The following CUBN variants were observed in gnomAD, a reference collection of about 807,000 sequenced individuals.
CUBN encodes 460 kDa receptor.
In CUBN, 282 loss-of-function variants were observed where a neutral mutation model predicts 405.3. The ratio of observed to expected loss-of-function variants is 0.70; its 90% CI spans 0.63 to 0.77. The LOEUF is 0.77. Among genes scored for constraint, CUBN ranks in the 30% least tolerant of loss-of-function variants. The pLI is 0.00. For synonymous variants in CUBN, 1,684 were observed against 1,617.0 expected (o/e 1.04, Z -0.99); for missense variants, 4,514 against 4,475.2 (o/e 1.01, Z -0.25).
chr10:17,073,074 C>T (rs1433682367), intron 17 of CUBN, among the ~76,000 whole-genome samples: 1 of 152,138 alleles, frequency 6.6e-6, no homozygotes, highest in Non-Finnish European at 1.5e-5. Flanking sequence ...AAGCCATCCT[C>T]AAACATAGAA....
intron 27 of CUBN, among the ~76,000 whole-genome samples, chr10:17,029,996 T>C (rs1419045386): frequency 3.9e-5 from 6 of 152,158 alleles, no homozygotes; most frequent in Admixed American, 1.3e-4. Flanking sequence ...CCCAGACCAG[T>C]ACTGGTGGCA....
rs758832754 is a variant in CUBN, at chr10:16,913,879, G to A, written c.7465C>T (p.Arg2489Trp). ...EWRITAPEGRRITLMFNNLRL... is the reference protein window; with the variant it reads ...EWRITAPEGRWITLMFNNLRL... ...AGGTTGTTAAACATTAGGGTGATCC[G>A]CCTTCCCTCCGGGGCAGTGATTCTC... The change falls in exon 48 of 67, where the codon CGG becomes TGG. Residue 2489 changes from arginine to tryptophan, a missense_variant. Around this residue, in one of 5 missense-constraint regions of CUBN, gnomAD observed 1,613 missense variants for 1,542.8 expected, o/e 1.05. Coordinates refer to ENST00000377833, the MANE Select transcript of CUBN (RefSeq NM_001081.4). 1.4e-5 allele frequency: 22 copies of A among 1,613,982 alleles called. No homozygotes were observed. The highest frequency in any genetic ancestry group is 1.1e-4 in the South Asian group (10 of 91,084).
chr10:17,021,869 TC>T (rs1194710945), intron 27 of CUBN, among the ~76,000 whole-genome samples: 1 of 152,106 alleles, frequency 6.6e-6, no homozygotes, highest in Non-Finnish European at 1.5e-5. Context: ...GTGTCTTACC[TC>T]CCCTACTGAT....
intron 22 of CUBN, among the ~76,000 whole-genome samples, chr10:17,049,983 C>T (rs1197682597): frequency 6.6e-6 from 1 of 152,154 alleles, no homozygotes; most frequent in Non-Finnish European, 1.5e-5. Context: ...GATGAGGTCC[C>T]AGTAAGTAGT....
Position 16,915,175 on chromosome 10 carries a change from G to T in CUBN, c.7211-3C>A, listed in dbSNP as rs768015179. The T allele has an allele frequency of 6.2e-7, 1 of 1,613,692 alleles. No individual in the cohort carries two copies. The highest frequency in any genetic ancestry group is 2.2e-5 in the East Asian group (1 of 44,878). ...ACAGTATCTGCCCAAGATGTTTCCT[G>T]TGAGAGACAAATAATTAAATATACA... On this transcript the variant is annotated splice_polypyrimidine_tract_variant and splice_region_variant and intron_variant, in intron 46 of 66. Transcript: ENST00000377833.
intron 31 of CUBN, among the ~76,000 whole-genome samples, chr10:16,970,528 A>C (rs1272024485): frequency 6.8e-6 from 1 of 146,638 alleles, no homozygotes; most frequent in Admixed American, 6.9e-5. Context: ...GTGAGCTGAG[A>C]TCACACCTTT....
chr10:16,985,677 C>T (rs148199187), intron 29 of CUBN, among the ~76,000 whole-genome samples: 1 of 152,346 alleles, frequency 6.6e-6, no homozygotes, highest in Non-Finnish European at 1.5e-5. Flanking sequence ...GGTTCCTGCA[C>T]CTGCCAATCT....
rs1219027702 is a variant in CUBN at position 17,109,647 on chromosome 10, TGAG to T, written c.1101_1103del (p.Ser368del). ...AGAGAGATGAGTCATTACCTAGAGT[TGAG>T]GAGCATGAGGCATCTGGGTGGCAGC... is the stretch of plus-strand genomic sequence containing the variant. On this transcript the variant is annotated inframe_deletion, in exon 10 of 67. Transcript: ENST00000377833. 20 of 1,613,400 alleles carry T rather than the reference TGAG, an allele frequency of 1.2e-5. No individual in the cohort carries two copies. The highest frequency in any genetic ancestry group is 1.7e-5 in the Non-Finnish European group (20 of 1,179,538).
chr10:16,952,332 G>C lies in CUBN; in HGVS notation c.4913C>G (p.Pro1638Arg). The change falls in exon 33 of 67, where the codon CCT (proline) becomes CGT (arginine). Residue 1638 changes from proline to arginine, a missense_variant. Pro to Arg is a moderately radical substitution (Grantham distance 103). This residue lies in a region of CUBN where 1,613 missense variants were observed against 1,542.8 expected (regional missense o/e 1.05). Coordinates refer to ENST00000377833, the MANE Select transcript of CUBN (RefSeq NM_001081.4). ...GTTCTGATTGTTTGGATAATTGGCA[G>C]GGAACCGTGGAGAGGAAACAGTATC... ...SFDTVSSPRF[P>R]ANYPNNQNCS... The C allele has an allele frequency of 6.2e-7, 1 of 1,613,972 alleles. No individual in the cohort carries two copies. Among genetic ancestry groups the C allele is most frequent in the Non-Finnish European group, 8.5e-7 (1 of 1,179,930 alleles).
intron 62 of CUBN, among the ~76,000 whole-genome samples, chr10:16,837,789 G>A (rs1031154686): frequency 6.6e-6 from 1 of 152,018 alleles, no homozygotes; most frequent in African/African-American, 2.4e-5. Flanking sequence ...TACCTACCCA[G>A]TCCGAAACCC....
chr10:17,129,809 A>G lies in CUBN; in HGVS notation c.-44T>C. Reference sequence around the variant, plus strand: ...GGTAAGAGTGAGGCCACTCCAACCAACTGAGCATGGGATTTTGGAGAACAG... The same window carrying G: ...GGTAAGAGTGAGGCCACTCCAACCAGCTGAGCATGGGATTTTGGAGAACAG... On this transcript the variant is annotated 5_prime_UTR_variant, in exon 1 of 67. Transcript: ENST00000377833. 6.2e-7 allele frequency: 1 copy of G among 1,608,676 alleles called. No individual in the cohort carries two copies. The highest frequency in any genetic ancestry group is 8.5e-7 in the Non-Finnish European group (1 of 1,175,408).
chr10:17,098,583 G>A (rs1295542001), intron 14 of CUBN, among the ~76,000 whole-genome samples: 1 of 152,064 alleles, frequency 6.6e-6, no homozygotes, highest in African/African-American at 2.4e-5. Flanking sequence ...AGGGCAATAA[G>A]TCAAGGAAAA....
chr10:17,053,611 A>G (rs1055686363), intron 22 of CUBN, among the ~76,000 whole-genome samples: 2 of 151,936 alleles, frequency 1.3e-5, no homozygotes, highest in Admixed American at 6.6e-5. Flanking sequence ...AGAAAAAAAT[A>G]AAACCATGAT....
intron 54 of CUBN, among the ~76,000 whole-genome samples, chr10:16,895,713 C>T (rs1841161627): frequency 6.6e-6 from 1 of 152,112 alleles, no homozygotes; most frequent in Admixed American, 6.6e-5. Context: ...TATATCCACT[C>T]CTGCTTTTTT....
chr10:17,105,361 T>C, intron 11 of CUBN, 96 bp downstream of exon 11: 1 of 815,352 alleles, frequency 1.2e-6, no homozygotes, highest in Non-Finnish European at 2.2e-6. Context: ...ACTTGACTCA[T>C]TATCTTGACA....
intron 28 of CUBN, among the ~76,000 whole-genome samples, chr10:16,993,849 T>C (rs2131723982): frequency 1.3e-5 from 2 of 152,272 alleles, no homozygotes. Context: ...GGAAAAATAT[T>C]GTATGATCAT....
At chr10:17,077,169 C>A (rs1275205510) in intron 17 of CUBN, among the ~76,000 whole-genome samples, 1 of 152,162 alleles carries the variant, frequency 6.6e-6, no homozygotes, top group Non-Finnish European at 1.5e-5. Context: ...GTTCAGATTT[C>A]TTGTGGATTG....
intron 59 of CUBN, among the ~76,000 whole-genome samples, chr10:16,866,104 G>T (rs760328283): frequency 2.0e-5 from 3 of 152,000 alleles, no homozygotes; most frequent in Non-Finnish European, 4.4e-5. Flanking sequence ...AATGCCTGCA[G>T]ACCTCCCATC....
intron 61 of CUBN, 76 bp downstream of exon 61, chr10:16,840,809 A>T (rs1334179251): frequency 7.6e-7 from 1 of 1,320,842 alleles, no homozygotes; most frequent in Non-Finnish European, 1.1e-6. Flanking sequence ...ATTTCGATAT[A>T]ATAAGCAGGG....
Sources: allele counts gnomAD v4.1 joint callset (sites outside exome capture counted in the v4.1 genomes callset), GRCh38; gene constraint gnomAD v4.1.1; regional missense constraint gnomAD v4.1.1; transcripts MANE v1.5; gene names NCBI Gene and HGNC (gene_info 2026-07-23, HGNC 2026-07-21).